The following XKR4 variants were observed in gnomAD, a reference collection of about 807,000 sequenced individuals.
XKR4 encodes XK related 4.
XKR4 carries 12 observed loss-of-function variants against 53.9 expected under a neutral mutation model. The observed-to-expected ratio is 0.22, with a 90% CI of 0.14 to 0.36. The LOEUF (loss-of-function observed/expected upper bound fraction) is 0.36, where lower values mean the gene tolerates loss of function less well. Ranked by LOEUF, XKR4 falls within the 10% of genes least tolerant of loss-of-function variation. The pLI, the probability that XKR4 is intolerant of heterozygous loss-of-function variation, is 1.00. For synonymous variants in XKR4, 354 were observed against 362.4 expected (o/e 0.98, Z 0.26); for missense variants, 799 against 859.5 (o/e 0.93, Z 0.88).
intron 1 of XKR4, among the ~76,000 whole-genome samples, chr8:55,324,808 A>G (rs967520573): frequency 1.3e-5 from 2 of 152,202 alleles, no homozygotes; most frequent in East Asian, 3.8e-4. Flanking sequence ...CCAGGTTTCA[A>G]ACTCAGCAAA....
chr8:55,383,123 G>T (rs1804260241), intron 2 of XKR4, among the ~76,000 whole-genome samples: 1 of 152,186 alleles, frequency 6.6e-6, no homozygotes, highest in Non-Finnish European at 1.5e-5. Context: ...TGAGGCAGGA[G>T]AATCGCTTGA....
chr8:55,161,137 G>A lies in XKR4; in HGVS notation c.806+57843G>A, dbSNP rs1816978440. Among the ~76,000 whole-genome samples the A allele has an allele frequency of 2.0e-5, 3 of 152,136 alleles. 1 individual carries two copies. Among genetic ancestry groups the A allele is most frequent in the Admixed American group, 2.0e-4 (3 of 15,282 alleles). On this transcript the variant is annotated intron_variant, in intron 1 of 2. Coordinates refer to ENST00000327381, the MANE Select transcript of XKR4 (RefSeq NM_052898.2). ...ACCTGCACAGGAAGTGCTTCCCATG[G>A]TGGCTCTGAATGTGGGCTGGGGGTT...
chr8:55,464,954 G>T (rs927427361), intron 2 of XKR4, among the ~76,000 whole-genome samples: 1 of 152,000 alleles, frequency 6.6e-6, no homozygotes, highest in African/African-American at 2.4e-5. Context: ...TCTTCAAGGA[G>T]AACTACAAAC....
At chr8:55,308,694 T>A (rs1484654556) in intron 1 of XKR4, among the ~76,000 whole-genome samples, 1 of 152,192 alleles carries the variant, frequency 6.6e-6, no homozygotes, top group Non-Finnish European at 1.5e-5. Flanking sequence ...TCATATAAAA[T>A]CCTGTACCTG....
At chr8:55,455,738 C>T (rs180818247) in intron 2 of XKR4, among the ~76,000 whole-genome samples, 392 of 152,264 alleles carry the variant, frequency 2.6e-3, no homozygotes, top group African/African-American at 8.7e-3. Flanking sequence ...AGGTGAGACT[C>T]AAGAAAGCCA....
chr8:55,153,084 G>GGT (rs1816860738), intron 1 of XKR4, among the ~76,000 whole-genome samples: 1 of 152,100 alleles, frequency 6.6e-6, no homozygotes, highest in African/African-American at 2.4e-5. Context: ...GCTCACGCTG[G>GGT]GTTGACCTTA....
chr8:55,274,836 G>A (rs1217381145), intron 1 of XKR4, among the ~76,000 whole-genome samples: 1 of 152,104 alleles, frequency 6.6e-6, no homozygotes, highest in Non-Finnish European at 1.5e-5. Flanking sequence ...GACATTCTCA[G>A]GTACTGTTGG....
At chr8:55,307,822 A>G (rs1279018425) in intron 1 of XKR4, among the ~76,000 whole-genome samples, 1 of 152,248 alleles carries the variant, frequency 6.6e-6, no homozygotes, top group Non-Finnish European at 1.5e-5. Context: ...AAGGATGTGA[A>G]GAATCCAGAT....
intron 1 of XKR4, among the ~76,000 whole-genome samples, chr8:55,260,931 CTA>C (rs1818515908): frequency 6.6e-6 from 1 of 152,160 alleles, no homozygotes; most frequent in Non-Finnish European, 1.5e-5. Flanking sequence ...TCTAGCTTGT[CTA>C]TGTCTGCAGC....
At chr8:55,319,830 G>C (rs1320979029) in intron 1 of XKR4, among the ~76,000 whole-genome samples, 1 of 152,108 alleles carries the variant, frequency 6.6e-6, no homozygotes, top group African/African-American at 2.4e-5. Context: ...ATTTTTCCTT[G>C]TTTTCTCAGT....
chr8:55,502,486 T>A (rs913215732), intron 2 of XKR4, among the ~76,000 whole-genome samples: 1 of 152,228 alleles, frequency 6.6e-6, no homozygotes, highest in Non-Finnish European at 1.5e-5. Flanking sequence ...CTTAGTGATG[T>A]TGAGTATCTT....
rs1806982644 is a variant in XKR4 at position 55,533,294 on chromosome 8, T to G, written c.*9067T>G. 6.6e-6 allele frequency: 1 copy of G among 152,108 alleles called. No individual in the cohort carries two copies. The highest frequency in any genetic ancestry group is 2.4e-5 in the African/African-American group (1 of 41,420). 9.4% of individuals were successfully genotyped at this position (152,108 alleles called of 1,614,324 possible). ...GCCCCTTGTGATTTTTTTTATTCTA[T>G]TCAAATTGGGAGCAATAACACACCT... On this transcript the variant is annotated 3_prime_UTR_variant, in exon 3 of 3. Coordinates refer to ENST00000327381, the MANE Select transcript of XKR4 (RefSeq NM_052898.2).
chr8:55,177,414 A>T (rs541426319), intron 1 of XKR4, among the ~76,000 whole-genome samples: 86 of 152,354 alleles, frequency 5.6e-4, no homozygotes, highest in African/African-American at 1.9e-3. Flanking sequence ...CCCAGGGGAC[A>T]TCTCAGGCAC....
chr8:55,286,425 G>A (rs1471575954), intron 1 of XKR4, among the ~76,000 whole-genome samples: 4 of 152,182 alleles, frequency 2.6e-5, no homozygotes, highest in South Asian at 2.1e-4. Context: ...GACACCCTTC[G>A]AAGGCATTGT....
At chr8:55,178,446 A>T (rs1817261750) in intron 1 of XKR4, among the ~76,000 whole-genome samples, 1 of 152,184 alleles carries the variant, frequency 6.6e-6, no homozygotes, top group Admixed American at 6.5e-5. Flanking sequence ...TGAACGTCAA[A>T]CGTTCAGTAC....
intron 2 of XKR4, among the ~76,000 whole-genome samples, chr8:55,427,553 T>C (rs1357478918): frequency 1.3e-5 from 2 of 152,178 alleles, no homozygotes; most frequent in Non-Finnish European, 2.9e-5. Flanking sequence ...CTGGCACATA[T>C]ATAACACAAG....
chr8:55,135,770 A>G (rs1315504434), intron 1 of XKR4: 3 of 346,246 alleles, frequency 8.7e-6, no homozygotes, highest in African/African-American at 2.1e-5. Flanking sequence ...CGGTGCACTC[A>G]CACCCTTCCT....
chr8:55,161,728 C>A, intron 1 of XKR4: 1 of 424,730 alleles, frequency 2.4e-6, no homozygotes, highest in Non-Finnish European at 4.7e-6. Flanking sequence ...AGGTGCCACC[C>A]ATGGCCACTT....
intron 2 of XKR4, among the ~76,000 whole-genome samples, chr8:55,372,098 C>T (rs765296403): frequency 9.9e-5 from 15 of 152,284 alleles, no homozygotes; most frequent in African/African-American, 2.6e-4. Flanking sequence ...TAATTAGTCA[C>T]GTGCTATGGC....
Sources: gnomAD v4.1 joint callset for allele counts (sites outside exome capture counted in the v4.1 genomes callset) on GRCh38, gnomAD v4.1.1 for gene constraint, MANE v1.5 for transcripts, NCBI Gene and HGNC (gene_info 2026-07-23, HGNC 2026-07-21) for gene names.